Variants in ADAMTS9 observed in about 807,000 individuals in gnomAD.
ADAMTS9 encodes A disintegrin and metalloproteinase with thrombospondin motifs 9.
ADAMTS9 carries 107 observed loss-of-function variants against 257.1 expected under a neutral mutation model. The ratio of observed to expected loss-of-function variants is 0.42; its 90% confidence interval spans 0.36 to 0.49. The LOEUF is 0.49. ADAMTS9 is among the 20% of genes least tolerant of loss of function. ADAMTS9 has a pLI of 0.03. For synonymous variants in ADAMTS9, 982 were observed against 880.9 expected (o/e 1.11, Z -2.03); for missense variants, 2,353 against 2,469.1 (o/e 0.95, Z 1.00).
intron 31 of ADAMTS9, among the ~76,000 whole-genome samples, chr3:64,549,896 A>T (rs2083247798): frequency 6.6e-6 from 1 of 152,166 alleles, no homozygotes; most frequent in Non-Finnish European, 1.5e-5. Context: ...GCAATTCAAC[A>T]CCCAACACAC....
intron 10 of ADAMTS9, among the ~76,000 whole-genome samples, chr3:64,648,763 G>A (rs1038406248): frequency 2.0e-5 from 3 of 152,086 alleles, no homozygotes; most frequent in African/African-American, 7.2e-5. Flanking sequence ...GCAGGAGCAT[G>A]TTCCCAGATG....
intron 18 of ADAMTS9, among the ~76,000 whole-genome samples, chr3:64,621,482 C>A (rs1428324332): frequency 6.6e-6 from 1 of 152,078 alleles, no homozygotes; most frequent in Non-Finnish European, 1.5e-5. Context: ...AGTAGGTAGG[C>A]CGGGCACAGT....
At chr3:64,561,480 C>A in intron 30 of ADAMTS9, 98 bp downstream of exon 30, 3 of 1,359,716 alleles carry the variant, frequency 2.2e-6, no homozygotes, top group Non-Finnish European at 3.0e-6. Context: ...TGTAACCGTG[C>A]TCGGTGACTT....
intron 11 of ADAMTS9, among the ~76,000 whole-genome samples, chr3:64,647,657 G>T (rs1157894620): frequency 6.6e-6 from 1 of 152,208 alleles, no homozygotes; most frequent in Non-Finnish European, 1.5e-5. Flanking sequence ...TAGGCACACT[G>T]TAATTTTAGA....
Position 64,651,073 on chromosome 3 carries a change from G to A in ADAMTS9, c.1407C>T (p.Tyr469=). ...QHVMAPTLNF[Y]TNPWMWSKCS... ...ACTTTGACCACATCCAGGGGTTGGT[G>A]TAGAAGTTCAGTGTTGGAGCCATGA... Residue 469 remains tyrosine (Y), a synonymous_variant, in exon 9 of 40, where the codon TAC becomes TAT. Coordinates refer to ENST00000498707, the MANE Select transcript of ADAMTS9 (RefSeq NM_182920.2). 1 of 1,608,556 alleles carries A rather than the reference G, an allele frequency of 6.2e-7. No individual in the cohort carries two copies. Among genetic ancestry groups the A allele is most frequent in the Non-Finnish European group, 8.5e-7 (1 of 1,178,228 alleles).
chr3:64,584,581 T>C (rs1408338690), intron 28 of ADAMTS9, among the ~76,000 whole-genome samples: 1 of 152,176 alleles, frequency 6.6e-6, no homozygotes, highest in Non-Finnish European at 1.5e-5. Context: ...TTTACTTCCT[T>C]GTGAAGGAAA....
At chr3:64,586,528 C>A (rs2084157723) in intron 28 of ADAMTS9, among the ~76,000 whole-genome samples, 2 of 152,008 alleles carry the variant, frequency 1.3e-5, no homozygotes, top group South Asian at 4.1e-4. Flanking sequence ...GACCATCTGT[C>A]AGATTATAAT....
At chr3:64,649,952 G>C in intron 9 of ADAMTS9, 174 bp from the exon 10 acceptor site, 1 of 819,028 alleles carries the variant, frequency 1.2e-6, no homozygotes, top group Non-Finnish European at 1.8e-6. Context: ...TTACATTTTT[G>C]CTGTTTACTT....
At chr3:64,555,022 G>A (rs12054165) in intron 30 of ADAMTS9, among the ~76,000 whole-genome samples, 113,872 of 152,090 alleles carry the variant, frequency 0.75, 44,969 homozygotes, top group Non-Finnish European at 0.87. Flanking sequence ...GAAGAAAACC[G>A]CTTGAGAGTC....
chr3:64,635,510 A>G (rs1412593026), intron 12 of ADAMTS9, among the ~76,000 whole-genome samples: 1 of 152,224 alleles, frequency 6.6e-6, no homozygotes, highest in Non-Finnish European at 1.5e-5. Flanking sequence ...TTTCTGCATT[A>G]AGCACAATTA....
rs1340050817 is a variant in ADAMTS9, at chr3:64,516,882, T to A, written c.*245A>T. ...TACAAAAATATTACATCACAATAAA[T>A]AATTTCAAACATAAATATTAAACTT... On this transcript the variant is annotated 3_prime_UTR_variant, in exon 40 of 40. Coordinates refer to ENST00000498707, the MANE Select transcript of ADAMTS9 (RefSeq NM_182920.2). 2 of 152,598 alleles carry A rather than the reference T, an allele frequency of 1.3e-5. No individual in the cohort carries two copies. Among genetic ancestry groups the A allele is most frequent in the Non-Finnish European group, 2.9e-5 (2 of 68,040 alleles). The allele number at this position is 152,598 out of a possible 1,614,324, so 9.5% of individuals were successfully genotyped here.
intron 28 of ADAMTS9, among the ~76,000 whole-genome samples, chr3:64,594,023 G>GC (rs1379550296): frequency 1.3e-5 from 2 of 150,360 alleles, no homozygotes; most frequent in Non-Finnish European, 3.0e-5. Flanking sequence ...AGAAAAGGCA[G>GC]CTACTTCTTG....
chr3:64,631,844 T>C lies in ADAMTS9; in HGVS notation c.2257A>G (p.Lys753Glu). 6.2e-7 allele frequency: 1 copy of C among 1,614,038 alleles called. No homozygotes were observed. The highest frequency in any genetic ancestry group is 2.2e-5 in the East Asian group (1 of 44,866). Residue 753 changes from lysine to glutamate, a missense_variant, in exon 15 of 40, where the codon AAA becomes GAA. By Grantham distance (56) the Lys-to-Glu change is moderately conservative. Around this residue, in one of 3 missense-constraint regions of ADAMTS9, gnomAD observed 360 missense variants for 458.1 expected, o/e 0.79. Coordinates refer to ENST00000498707, the MANE Select transcript of ADAMTS9 (RefSeq NM_182920.2). The stretch of plus-strand genomic sequence containing the variant: ...GTATTAAATGTTCCTGCCACTGTTT[T>C]GCATGAAGAATTATCGCCACCACAA... ...GVCGGDNSSC[K>E]TVAGTFNTVH...
intron 12 of ADAMTS9, among the ~76,000 whole-genome samples, chr3:64,634,517 T>C (rs1700445136): frequency 1.3e-5 from 2 of 152,244 alleles, no homozygotes; most frequent in African/African-American, 4.8e-5. Context: ...TCATTAGCTT[T>C]TGTGTGACGA....
At chr3:64,578,989 T>C (rs2083926024) in intron 28 of ADAMTS9, among the ~76,000 whole-genome samples, 1 of 152,026 alleles carries the variant, frequency 6.6e-6, no homozygotes, top group South Asian at 2.1e-4. Context: ...GAAGCCAGAG[T>C]CAACCTTTAA....
At chr3:64,613,191 CAG>C (rs1034806079) in intron 22 of ADAMTS9, among the ~76,000 whole-genome samples, 152 bp downstream of exon 22, 3 of 152,218 alleles carry the variant, frequency 2.0e-5, no homozygotes, top group Admixed American at 1.3e-4. Flanking sequence ...AAAATGGTTG[CAG>C]AGTTACATGT....
At chr3:64,639,736 T>A (rs1490128916) in intron 12 of ADAMTS9, among the ~76,000 whole-genome samples, 1 of 152,188 alleles carries the variant, frequency 6.6e-6, no homozygotes, top group Non-Finnish European at 1.5e-5. Flanking sequence ...ATGTAAAAAA[T>A]TCATCATATT....
chr3:64,558,220 G>A (rs2083367074), intron 30 of ADAMTS9, among the ~76,000 whole-genome samples: 1 of 152,110 alleles, frequency 6.6e-6, no homozygotes, highest in South Asian at 2.1e-4. Context: ...GAGTGTAGGT[G>A]CCAGCGTGCA....
At chr3:64,612,235 C>T (rs1251443436) in intron 22 of ADAMTS9, among the ~76,000 whole-genome samples, 2 of 152,122 alleles carry the variant, frequency 1.3e-5, no homozygotes, top group Non-Finnish European at 2.9e-5. Flanking sequence ...ATAAGATGTG[C>T]TAGGAATGGC....
Sources: allele counts gnomAD v4.1 joint callset (sites outside exome capture counted in the v4.1 genomes callset), GRCh38; gene constraint gnomAD v4.1.1; regional missense constraint gnomAD v4.1.1; transcripts MANE v1.5; gene names NCBI Gene and HGNC (gene_info 2026-07-23, HGNC 2026-07-21).